Variants in GAB3 observed in about 807,000 individuals in gnomAD.
GAB3 encodes the protein GRB2 associated binding protein 3.
Under a neutral mutation model 40.4 loss-of-function variants are expected in GAB3, and 12 were observed. The observed-to-expected ratio is 0.30, with a 90% CI of 0.19 to 0.48. The LOEUF (loss-of-function observed/expected upper bound fraction) is 0.48. Ranked by LOEUF, GAB3 falls within the 20% of genes least tolerant of loss-of-function variation. The probability of loss-of-function intolerance (pLI) is 0.99; values close to 1 mark genes in which losing one functional copy is unlikely to be tolerated. For synonymous variants in GAB3, 154 were observed against 176.7 expected (o/e 0.87, Z 1.02); for missense variants, 381 against 461.9 (o/e 0.82, Z 1.61).
rs1164489700 is a variant in GAB3 at position 154,743,316 on chromosome X, A to G, written c.72+7638T>C. 3.6e-5 allele frequency among the ~76,000 whole-genome samples: 4 copies of G among 111,572 alleles called. No individual in the cohort carries two copies. In the South Asian group the frequency reaches 1.5e-3, roughly 42 times the overall value. On this transcript the variant is annotated intron_variant, in intron 1 of 9. Transcript: ENST00000424127. ...CTTTCTCAGACAAACAAAACAGAGA[A>G]GTCACTGCCAGCAGACCTAAACTAC... is the stretch of plus-strand genomic sequence containing the variant.
chrX:154,744,059 C>T (rs868990512), intron 1 of GAB3, among the ~76,000 whole-genome samples: 55 of 108,595 alleles, frequency 5.1e-4, no homozygotes, highest in African/African-American at 1.7e-3. Context: ...ACTAAAAATA[C>T]AAAAATTAGC....
At chrX:154,745,827 G>A (rs2071518201) in intron 1 of GAB3, among the ~76,000 whole-genome samples, 1 of 111,020 alleles carries the variant, frequency 9.0e-6, no homozygotes, top group African/African-American at 3.3e-5. Flanking sequence ...CGAAGCGGGT[G>A]GATCACCTGA....
chrX:154,704,702 A>T (rs782047323), intron 4 of GAB3, among the ~76,000 whole-genome samples: 2 of 111,920 alleles, frequency 1.8e-5, no homozygotes, highest in African/African-American at 6.5e-5. Flanking sequence ...AACTAGAGTA[A>T]GAAAAAGCGA....
At chrX:154,694,554 T>C (rs1429563771) in intron 8 of GAB3, among the ~76,000 whole-genome samples, 1 of 110,462 alleles carries the variant, frequency 9.1e-6, no homozygotes, top group Non-Finnish European at 1.9e-5. Flanking sequence ...GCCTGGCTAA[T>C]TTTTTGTATT....
intron 1 of GAB3, among the ~76,000 whole-genome samples, chrX:154,748,149 GTTATA>G (rs1439370725): frequency 8.9e-6 from 1 of 112,088 alleles, no homozygotes; most frequent in Non-Finnish European, 1.9e-5. Context: ...TAGAGAAATT[GTTATA>G]TTATATGTAT....
At chrX:154,719,086 G>C (rs1466384562) in intron 1 of GAB3, among the ~76,000 whole-genome samples, 1 of 111,670 alleles carries the variant, frequency 9.0e-6, no homozygotes, top group African/African-American at 3.3e-5. Flanking sequence ...TTATGATATG[G>C]GTAGATTTCA....
intron 4 of GAB3, among the ~76,000 whole-genome samples, chrX:154,702,081 T>A (rs1413722348): frequency 8.9e-6 from 1 of 111,966 alleles, no homozygotes; most frequent in African/African-American, 3.2e-5. Context: ...AGAACAAAAC[T>A]GGAAGAATCA....
chrX:154,708,175 A>G (rs1400070180), intron 4 of GAB3, among the ~76,000 whole-genome samples: 2 of 111,979 alleles, frequency 1.8e-5, no homozygotes, highest in Admixed American at 1.9e-4. Flanking sequence ...ATCCACACGC[A>G]AAAGAATGAA....
intron 4 of GAB3, among the ~76,000 whole-genome samples, chrX:154,709,472 C>G (rs1442717093): frequency 9.1e-6 from 1 of 109,392 alleles, no homozygotes; most frequent in Non-Finnish European, 1.9e-5. Flanking sequence ...AGGCACCCGC[C>G]ACCACACTGG....
Position 154,712,175 on chromosome X carries a change from G to C in GAB3, c.1069+54C>G. 10 of 929,003 alleles carry C rather than the reference G, an allele frequency of 1.1e-5. No homozygotes were observed. The South Asian group carries it at 2.3e-4, about 21-fold the overall frequency. The allele number at this position is 929,003 out of a possible 1,213,427, so 76.6% of individuals were successfully genotyped here. A position where few individuals can be genotyped will look rare whatever the true frequency, so the allele number is the denominator to read the frequency against. On this transcript the variant is annotated intron_variant, in intron 4 of 9. Coordinates refer to ENST00000424127, the MANE Select transcript of GAB3 (RefSeq NM_001081573.3). ...GCATGACCTCACATGGGCACAAAGA[G>C]TGAAGAGGAGCCCGGGTTTTCTTGG...
At chrX:154,713,067 A>G in intron 3 of GAB3, 140 bp downstream of exon 3, 1 of 506,559 alleles carries the variant, frequency 2.0e-6, no homozygotes, top group Admixed American at 3.1e-5. Flanking sequence ...CACACCCACT[A>G]GAAAATGCTA....
At chrX:154,687,366 T>C (rs1365632657) in intron 8 of GAB3, among the ~76,000 whole-genome samples, 293 of 110,183 alleles carry the variant, frequency 2.7e-3, no homozygotes, top group Non-Finnish European at 3.0e-3. Flanking sequence ...GCGTGGTGGC[T>C]CACGCCTGTA....
At chrX:154,692,261 A>G (rs1355286033) in intron 8 of GAB3, among the ~76,000 whole-genome samples, 1 of 112,022 alleles carries the variant, frequency 8.9e-6, no homozygotes, top group Non-Finnish European at 1.9e-5. Flanking sequence ...GAAATCATGT[A>G]TCTGATAAGG....
chrX:154,689,460 A>G (rs1412399059), intron 8 of GAB3, among the ~76,000 whole-genome samples: 31 of 111,233 alleles, frequency 2.8e-4, no homozygotes, highest in Non-Finnish European at 5.3e-4. Context: ...CAATTAGGAA[A>G]AGAGGAAGTC....
At chrX:154,750,854 T>TGCGCCTGGCGCGCCC (rs2071603628) in intron 1 of GAB3, 100 bp downstream of exon 1, 1 of 497,030 alleles carries the variant, frequency 2.0e-6, no homozygotes, top group Non-Finnish European at 2.5e-6. Context: ...TGGGAGCGGC[T>TGCGCCTGGCGCGCCC]GCGCCTGGCG....
rs782691749 is a variant in GAB3, at chrX:154,713,299, G to A, written c.504C>T (p.Ala168=). The change falls in exon 3 of 10, where the codon GCC becomes GCT. Residue 168 remains alanine, a synonymous_variant. Coordinates refer to ENST00000424127, the MANE Select transcript of GAB3 (RefSeq NM_001081573.3). The part of the protein sequence containing the change: ...PRDDPNTNAV[A]TEETRSESEL... ...CTGACTCACTTCTGGTTTCCTCAGT[G>A]GCTACGGCATTAGTGTTTGGGTCAT... 8.3e-7 allele frequency: 1 copy of A among 1,210,564 alleles called. No homozygotes were observed. Among genetic ancestry groups the A allele is most frequent in the Admixed American group, 2.2e-5 (1 of 45,995 alleles).
At chrX:154,730,152 G>A (rs2071271456) in intron 1 of GAB3, among the ~76,000 whole-genome samples, 1 of 112,538 alleles carries the variant, frequency 8.9e-6, no homozygotes, top group Admixed American at 9.4e-5. Context: ...GTATTGCAAA[G>A]TTGGATATTT....
At chrX:154,690,132 T>A (rs1458012781) in intron 8 of GAB3, among the ~76,000 whole-genome samples, 2 of 108,328 alleles carry the variant, frequency 1.8e-5, no homozygotes, top group Non-Finnish European at 3.8e-5. Context: ...AACTATCTGA[T>A]CTTTGACAAA....
chrX:154,745,486 A>G (rs1049400649), intron 1 of GAB3, among the ~76,000 whole-genome samples: 1 of 112,153 alleles, frequency 8.9e-6, no homozygotes, highest in Non-Finnish European at 1.9e-5. Context: ...AATAATAAAG[A>G]TAAGAGGATA....
Sources: gnomAD v4.1 joint callset for allele counts (sites outside exome capture counted in the v4.1 genomes callset) on GRCh38, gnomAD v4.1.1 for gene constraint, MANE v1.5 for transcripts, NCBI Gene and HGNC (gene_info 2026-07-23, HGNC 2026-07-21) for gene names.